The following GALNT14 variants were observed in gnomAD, a reference collection of about 807,000 sequenced individuals.
The protein encoded by GALNT14 is polypeptide N-acetylgalactosaminyltransferase 14.
A neutral mutation model predicts 77.5 loss-of-function variants in GALNT14; 60 were observed. That is an observed-to-expected ratio of 0.77 (90% confidence interval 0.63 to 0.96). The LOEUF (loss-of-function observed/expected upper bound fraction) is 0.96, where lower values mean the gene tolerates loss of function less well. Ranked by LOEUF, GALNT14 falls within the 40% of genes least tolerant of loss-of-function variation. GALNT14 has a pLI of 0.00. For missense variants in GALNT14, 710 were observed against 731.0 expected (o/e 0.97, Z 0.33); for synonymous variants, 280 against 281.7 (o/e 0.99, Z 0.06).
the GALNT14 span, among the ~76,000 whole-genome samples, chr2:30,905,442 A>G: frequency 2.6e-5 from 4 of 152,164 alleles, no homozygotes; most frequent in Non-Finnish European, 5.9e-5. Flanking sequence ...GATGCGATCA[A>G]CTGGAAGAAA....
chr2:31,134,276 G>T (rs368942264), intron 1 of GALNT14, among the ~76,000 whole-genome samples: 1 of 152,134 alleles, frequency 6.6e-6, no homozygotes, highest in East Asian at 1.9e-4. Flanking sequence ...TCAAAGGAAG[G>T]GAGCCCACTC....
At chr2:31,033,669 C>T (rs1317368929) in intron 1 of GALNT14, among the ~76,000 whole-genome samples, 1 of 152,120 alleles carries the variant, frequency 6.6e-6, no homozygotes, top group Non-Finnish European at 1.5e-5. Context: ...GGCCTGCCTG[C>T]ATCCCTAACC....
intron 1 of GALNT14, among the ~76,000 whole-genome samples, chr2:31,074,742 T>C (rs145928917): frequency 5.3e-5 from 8 of 152,224 alleles, no homozygotes; most frequent in South Asian, 2.1e-4. Flanking sequence ...AGACTCAGAA[T>C]TGTCATATTA....
At chr2:31,041,844 T>C (rs947544061) in intron 1 of GALNT14, among the ~76,000 whole-genome samples, 5 of 152,108 alleles carry the variant, frequency 3.3e-5, no homozygotes, top group Admixed American at 6.5e-5. Flanking sequence ...TCAGAGCGAA[T>C]ACTGGAGATG....
intron 10 of GALNT14, among the ~76,000 whole-genome samples, chr2:30,930,863 C>T (rs1665685043): frequency 6.6e-6 from 1 of 152,244 alleles, no homozygotes; most frequent in Admixed American, 6.5e-5. Context: ...ATCTGTGCCA[C>T]AATCTTCTAG....
chr2:30,924,998 C>T (rs1665281557), intron 11 of GALNT14, among the ~76,000 whole-genome samples, 175 bp from the exon 12 acceptor site: 1 of 152,226 alleles, frequency 6.6e-6, no homozygotes, highest in Admixed American at 6.5e-5. Flanking sequence ...TCTATAACTG[C>T]AGACAGAGCT....
intron 1 of GALNT14, among the ~76,000 whole-genome samples, chr2:31,134,486 C>T (rs1207954957): frequency 6.6e-6 from 1 of 152,198 alleles, no homozygotes; most frequent in African/African-American, 2.4e-5. Context: ...AAGTCCCATC[C>T]GAATTCCTAC....
chr2:30,921,925 G>A (rs578194456), intron 13 of GALNT14, among the ~76,000 whole-genome samples: 6 of 152,282 alleles, frequency 3.9e-5, no homozygotes, highest in South Asian at 2.1e-4. Context: ...ACAAAGAAAC[G>A]TCCAGCTCAA....
chr2:30,904,429 G>A, the GALNT14 span, among the ~76,000 whole-genome samples: 4 of 152,286 alleles, frequency 2.6e-5, no homozygotes, highest in East Asian at 3.9e-4. Flanking sequence ...TTCCCTTTCC[G>A]AGTCAAAGAA....
intron 1 of GALNT14, among the ~76,000 whole-genome samples, chr2:31,014,184 A>G (rs952581606): frequency 3.3e-5 from 5 of 152,236 alleles, no homozygotes; most frequent in African/African-American, 1.2e-4. Flanking sequence ...GGTAAAAAGC[A>G]GTGGCTTGCA....
intron 2 of GALNT14, among the ~76,000 whole-genome samples, chr2:30,978,836 G>T (rs1668802930): frequency 1.3e-5 from 2 of 152,206 alleles, no homozygotes; most frequent in Non-Finnish European, 2.9e-5. Flanking sequence ...GGCTTGGAAG[G>T]GTGATAGACA....
intron 13 of GALNT14, among the ~76,000 whole-genome samples, chr2:30,917,654 T>G (rs537960254): frequency 6.6e-6 from 1 of 152,242 alleles, no homozygotes; most frequent in South Asian, 2.1e-4. Flanking sequence ...CTGGTGCTAG[T>G]TGCTTCACAT....
the GALNT14 span, among the ~76,000 whole-genome samples, chr2:30,891,914 C>T: frequency 6.6e-6 from 1 of 152,040 alleles, no homozygotes; most frequent in Non-Finnish European, 1.5e-5. Context: ...TATTCTTCTG[C>T]CTTATGTCCA....
chr2:30,968,869 C>T (rs766770711), intron 2 of GALNT14, among the ~76,000 whole-genome samples: 25 of 152,196 alleles, frequency 1.6e-4, no homozygotes, highest in Admixed American at 5.9e-4. Context: ...AGACCTTGGC[C>T]TTGCTTATCT....
In GALNT14 at chr2:31,042,870, C is replaced by A. The variant is rs565545521; in HGVS notation, c.130-49863G>T. Among the ~76,000 whole-genome samples, 6 of 152,312 alleles carry A rather than the reference C, an allele frequency of 3.9e-5. No homozygotes were observed. In the South Asian group the frequency reaches 1.0e-3, roughly 26 times the overall value. On this transcript the variant is annotated intron_variant, in intron 1 of 14. Coordinates refer to ENST00000349752, the MANE Select transcript of GALNT14 (RefSeq NM_024572.4). Reference sequence around the variant, plus strand: ...CTCCCAAAGTCTATTTGCAATACAACAGTTAGAATGGTCCTTTCTAAAACA... The same window carrying A: ...CTCCCAAAGTCTATTTGCAATACAAAAGTTAGAATGGTCCTTTCTAAAACA...
chr2:30,902,048 C>T, the GALNT14 span, among the ~76,000 whole-genome samples: 3 of 152,148 alleles, frequency 2.0e-5, no homozygotes, highest in South Asian at 2.1e-4. Flanking sequence ...ACTCAATATT[C>T]GGATTTGACT....
At chr2:30,984,114 C>A (rs907144174) in intron 2 of GALNT14, among the ~76,000 whole-genome samples, 2 of 152,158 alleles carry the variant, frequency 1.3e-5, no homozygotes, top group African/African-American at 4.8e-5. Flanking sequence ...GGACAGAGTC[C>A]TTTTCCAGGC....
intron 1 of GALNT14, among the ~76,000 whole-genome samples, chr2:31,104,563 A>G (rs1378859126): frequency 6.6e-6 from 1 of 152,214 alleles, no homozygotes; most frequent in East Asian, 1.9e-4. Context: ...TTCCAGGTCC[A>G]GGATCCTATC....
At position 31,079,994 on chromosome 2, in the gene GALNT14, T is replaced by A. The variant is rs539777859; in HGVS notation, c.129+57964A>T. Among the ~76,000 whole-genome samples, 284 of 152,294 alleles carry A rather than the reference T, an allele frequency of 1.9e-3. 3 individuals carry two copies. The highest frequency in any genetic ancestry group is 6.6e-3 in the African/African-American group (273 of 41,554). On this transcript the variant is annotated intron_variant, in intron 1 of 14. Transcript: ENST00000349752. ...CCTGCAACCTGGTGCCCAAATAGTT[T>A]GGCTTAGGCAGGCATGAGCCCTGCA...
Sources: allele counts gnomAD v4.1 joint callset (sites outside exome capture counted in the v4.1 genomes callset), GRCh38; gene constraint gnomAD v4.1.1; transcripts MANE v1.5; gene names NCBI Gene and HGNC (gene_info 2026-07-23, HGNC 2026-07-21).